The following TTC28 variants were observed in gnomAD, a reference collection of about 807,000 sequenced individuals.
TTC28 encodes tetratricopeptide repeat domain 28, also known as tetratricopeptide repeat protein 28.
TTC28 carries 61 observed loss-of-function variants against 198.0 expected under a neutral mutation model. That is an observed-to-expected ratio of 0.31 (90% CI 0.25 to 0.38). The LOEUF is 0.38. Among genes scored for constraint, TTC28 ranks in the 10% least tolerant of loss-of-function variants. The pLI, the probability that TTC28 is intolerant of heterozygous loss-of-function variation, is 1.00. For synonymous variants in TTC28, 1,171 were observed against 1,297.8 expected, an observed-to-expected ratio of 0.90 and a Z score of 2.10; for missense variants, 2,678 against 3,164.0, an observed-to-expected ratio of 0.85 and a Z score of 3.69.
chr22:28,096,238 A>T lies in TTC28; in HGVS notation c.3718T>A (p.Ser1240Thr). The change falls in exon 11 of 23, where the codon TCC becomes ACC. Residue 1240 changes from serine to threonine, a missense_variant. Ser to Thr is a moderately conservative substitution (Grantham distance 58, BLOSUM62 1). This residue lies in a region of TTC28 where 727 missense variants were observed against 861.9 expected (regional missense o/e 0.84). Transcript: ENST00000397906. Reference sequence around the variant, plus strand: ...CTATACAGATAGCCTGCAGCCAGGGAATAGTAAAGCACTAGTCCCCTCTGG... The same window carrying T: ...CTATACAGATAGCCTGCAGCCAGGGTATAGTAAAGCACTAGTCCCCTCTGG... ...NGQRGLVLYY[S>T]LAAGYLYSWL... 1 of 1,551,434 alleles carries T rather than the reference A, an allele frequency of 6.4e-7. No individual in the cohort carries two copies. The highest frequency in any genetic ancestry group is 8.7e-7 in the Non-Finnish European group (1 of 1,146,814).
intron 2 of TTC28, among the ~76,000 whole-genome samples, chr22:28,361,168 T>C (rs1243846490): frequency 1.5e-4 from 23 of 152,098 alleles, no homozygotes. Context: ...TCACTTTAAA[T>C]CAAAAGCTAG....
At chr22:28,533,443 T>G (rs1236313901) in intron 2 of TTC28, among the ~76,000 whole-genome samples, 2 of 152,198 alleles carry the variant, frequency 1.3e-5, no homozygotes, top group African/African-American at 4.8e-5. Context: ...TCCATGCTCA[T>G]GGATACGAAG....
intron 2 of TTC28, among the ~76,000 whole-genome samples, chr22:28,535,984 G>A (rs961938851): frequency 6.6e-6 from 1 of 151,746 alleles, no homozygotes; most frequent in Non-Finnish European, 1.5e-5. Flanking sequence ...GCCGAGGCGG[G>A]CAGATCACGA....
At chr22:28,321,336 A>G (rs1483639620) in intron 2 of TTC28, among the ~76,000 whole-genome samples, 2 of 152,224 alleles carry the variant, frequency 1.3e-5, no homozygotes, top group East Asian at 3.8e-4. Context: ...AACGGTTGCT[A>G]ATGGAATAGA....
At chr22:28,022,794 T>C (rs943741136) in intron 13 of TTC28, among the ~76,000 whole-genome samples, 11 of 152,222 alleles carry the variant, frequency 7.2e-5, no homozygotes, top group African/African-American at 2.4e-4. Context: ...ATACATTATA[T>C]TTAAGTAACC....
At chr22:28,403,638 A>T (rs2046953331) in intron 2 of TTC28, among the ~76,000 whole-genome samples, 1 of 152,222 alleles carries the variant, frequency 6.6e-6, no homozygotes. Flanking sequence ...CGATGCCTTC[A>T]ACTTCCAACA....
chr22:28,066,920 C>T lies in TTC28; in HGVS notation c.3932+27160G>A, dbSNP rs147518251. Reference sequence around the variant, plus strand: ...CTACCTTGCTTGTACTGCTCCTTCACCTGTGTTTGGCAGGGCAAAAACCCA... The same window carrying T: ...CTACCTTGCTTGTACTGCTCCTTCATCTGTGTTTGGCAGGGCAAAAACCCA... On this transcript the variant is annotated intron_variant, in intron 12 of 22. Coordinates refer to ENST00000397906, the MANE Select transcript of TTC28 (RefSeq NM_001145418.2). 8.5e-5 allele frequency among the ~76,000 whole-genome samples: 13 copies of T among 152,256 alleles called. No individual in the cohort carries two copies. In the East Asian group the frequency reaches 2.3e-3, roughly 27 times the overall value.
intron 3 of TTC28, among the ~76,000 whole-genome samples, chr22:28,306,003 T>C (rs1318128129): frequency 1.3e-5 from 2 of 152,166 alleles, no homozygotes; most frequent in Non-Finnish European, 2.9e-5. Context: ...CTTTTAATGC[T>C]CCTCTGAAAA....
At chr22:28,316,493 A>G (rs953625372) in intron 2 of TTC28, among the ~76,000 whole-genome samples, 2 of 151,944 alleles carry the variant, frequency 1.3e-5, no homozygotes, top group Non-Finnish European at 2.9e-5. Context: ...CTTGTTTTTC[A>G]TTGGCATTAT....
At position 28,040,230 on chromosome 22, in the gene TTC28, CATTTTATGAGGCTAGCATCATCCTG is replaced by C. The variant is rs746770841; in HGVS notation, c.3933-9889_3933-9865del. ...GAAAAAGAGGGAATCCTCCCTAACT[CATTTTATGAGGCTAGCATCATCCTG>C]ATACCAAAGCCTGGCAGAGACACAA... On this transcript the variant is annotated intron_variant, in intron 12 of 22. Coordinates refer to ENST00000397906, the MANE Select transcript of TTC28 (RefSeq NM_001145418.2). Among the ~76,000 whole-genome samples the C allele has an allele frequency of 1.9e-3, 293 of 152,324 alleles. 1 individual carries two copies. The highest frequency in any genetic ancestry group is 3.4e-3 in the Non-Finnish European group (228 of 68,032).
chr22:28,120,690 A>G lies in TTC28; in HGVS notation c.1442-12287T>C, dbSNP rs534618536. 2.0e-5 allele frequency among the ~76,000 whole-genome samples: 3 copies of G among 152,334 alleles called. 1 individual carries two copies. The highest frequency in any genetic ancestry group is 6.5e-5 in the Admixed American group (1 of 15,306). ...ATAGAAAGCCCTGAAAATGAACAGGAAAAGGGAGAAACAGCAGAAGAGCTG... is the reference window on the plus strand; with the variant it reads ...ATAGAAAGCCCTGAAAATGAACAGGGAAAGGGAGAAACAGCAGAAGAGCTG... On this transcript the variant is annotated intron_variant, in intron 6 of 22. Coordinates refer to ENST00000397906, the MANE Select transcript of TTC28 (RefSeq NM_001145418.2).
At chr22:28,323,363 C>T (rs1055969615) in intron 2 of TTC28, among the ~76,000 whole-genome samples, 3 of 151,980 alleles carry the variant, frequency 2.0e-5, no homozygotes, top group African/African-American at 4.8e-5. Flanking sequence ...AGAACCTCAA[C>T]GGAATTCAAG....
chr22:28,558,355 T>C (rs2049816884), intron 2 of TTC28, among the ~76,000 whole-genome samples: 1 of 152,094 alleles, frequency 6.6e-6, no homozygotes, highest in Non-Finnish European at 1.5e-5. Flanking sequence ...ACCTCACTGA[T>C]GTGGATAAAG....
At chr22:28,318,423 T>C (rs1482381255) in intron 2 of TTC28, among the ~76,000 whole-genome samples, 3 of 152,176 alleles carry the variant, frequency 2.0e-5, no homozygotes, top group African/African-American at 4.8e-5. Context: ...TCCAAGCTGG[T>C]AACACCAGAT....
At chr22:28,148,486 A>G (rs1292914712) in intron 6 of TTC28, among the ~76,000 whole-genome samples, 1 of 151,882 alleles carries the variant, frequency 6.6e-6, no homozygotes, top group Admixed American at 6.6e-5. Context: ...GGTGGCGGGC[A>G]CCTGTAGTCC....
Position 28,387,746 on chromosome 22 carries a change from C to G in TTC28, c.382-81103G>C, listed in dbSNP as rs567488613. ...GTCATTGTAGATTCTGGATATTAGC[C>G]CTTTGTCAGATGAGTAGGTTGCGAA... is the stretch of plus-strand genomic sequence containing the variant. On this transcript the variant is annotated intron_variant, in intron 2 of 22. Transcript: ENST00000397906. Among the ~76,000 whole-genome samples the G allele has an allele frequency of 3.3e-5, 5 of 152,156 alleles. No homozygotes were observed. The East Asian group carries it at 9.6e-4, about 29-fold the overall frequency.
At chr22:28,153,602 C>G (rs1009407265) in intron 6 of TTC28, among the ~76,000 whole-genome samples, 1 of 151,750 alleles carries the variant, frequency 6.6e-6, no homozygotes, top group Non-Finnish European at 1.5e-5. Context: ...ACCATAAGCT[C>G]TATGGGGGTA....
intron 2 of TTC28, among the ~76,000 whole-genome samples, chr22:28,513,756 A>G (rs2146401649): frequency 6.6e-6 from 1 of 152,296 alleles, no homozygotes; most frequent in African/African-American, 2.4e-5. Context: ...GTAAAAATAA[A>G]AATATACATA....
chr22:28,425,633 G>A (rs1180980265), intron 2 of TTC28, among the ~76,000 whole-genome samples: 1 of 152,192 alleles, frequency 6.6e-6, no homozygotes, highest in Non-Finnish European at 1.5e-5. Flanking sequence ...TGATCAAACT[G>A]CAATAATTGC....
Sources: gnomAD v4.1 joint callset for allele counts (sites outside exome capture counted in the v4.1 genomes callset) on GRCh38, gnomAD v4.1.1 for gene constraint, gnomAD v4.1.1 regional missense constraint, MANE v1.5 for transcripts, NCBI Gene and HGNC (gene_info 2026-07-23, HGNC 2026-07-21) for gene names.